NAALADL2: variants seen among roughly 807,000 people sequenced by gnomAD.
NAALADL2 encodes the protein inactive N-acetylated-alpha-linked acidic dipeptidase-like protein 2.
A neutral mutation model predicts 87.2 loss-of-function variants in NAALADL2; 76 were observed. The ratio of observed to expected loss-of-function variants is 0.87; its 90% confidence interval spans 0.72 to 1.05. The LOEUF (loss-of-function observed/expected upper bound fraction) is 1.05, where lower values mean the gene tolerates loss of function less well. Among genes scored for constraint, NAALADL2 ranks in the 50% least tolerant of loss-of-function variants. The pLI, the probability that NAALADL2 is intolerant of heterozygous loss-of-function variation, is 0.00. For synonymous variants in NAALADL2, 354 were observed against 331.0 expected, an observed-to-expected ratio of 1.07 and a Z score of -0.75; for missense variants, 1,089 against 945.8, an observed-to-expected ratio of 1.15 and a Z score of -1.99.
chr3:175,266,890 T>G (rs551826643), intron 4 of NAALADL2, among the ~76,000 whole-genome samples: 2 of 152,070 alleles, frequency 1.3e-5, no homozygotes, highest in African/African-American at 2.4e-5. Flanking sequence ...ACCTGTGATA[T>G]AATCCAATAT....
chr3:174,466,613 A>G (rs1035010678), intron 1 of NAALADL2, among the ~76,000 whole-genome samples: 3 of 152,142 alleles, frequency 2.0e-5, no homozygotes, highest in Non-Finnish European at 4.4e-5. Context: ...GGATTAAGGG[A>G]AAGATGTAGT....
At chr3:175,038,379 A>G (rs1753669043) in intron 1 of NAALADL2, among the ~76,000 whole-genome samples, 1 of 152,208 alleles carries the variant, frequency 6.6e-6, no homozygotes, top group Non-Finnish European at 1.5e-5. Flanking sequence ...CACCTAAGGC[A>G]TAAGCTTTTT....
At chr3:174,630,821 G>C (rs922812163) in intron 2 of NAALADL2, among the ~76,000 whole-genome samples, 2 of 152,122 alleles carry the variant, frequency 1.3e-5, no homozygotes, top group Non-Finnish European at 2.9e-5. Flanking sequence ...CTTCAGGTGA[G>C]ATCTGTCAGC....
chr3:175,575,972 G>C, intron 9 of NAALADL2, 69 bp from the exon 10 acceptor site: 1 of 1,303,624 alleles, frequency 7.7e-7, no homozygotes, highest in East Asian at 2.5e-5. Context: ...ACCATGTTTT[G>C]AGTAGCACTG....
chr3:175,218,708 C>A (rs560954145), intron 2 of NAALADL2, among the ~76,000 whole-genome samples: 2 of 152,146 alleles, frequency 1.3e-5, no homozygotes, highest in African/African-American at 4.8e-5. Flanking sequence ...TTGGCTATAT[C>A]TGTGAGACTT....
chr3:175,477,928 G>A (rs999774445), intron 9 of NAALADL2, among the ~76,000 whole-genome samples: 3 of 151,928 alleles, frequency 2.0e-5, no homozygotes, highest in Non-Finnish European at 4.4e-5. Flanking sequence ...ATATATAGTA[G>A]CAGATCACAG....
chr3:175,581,667 A>G (rs1014992792), intron 10 of NAALADL2, among the ~76,000 whole-genome samples: 2 of 152,168 alleles, frequency 1.3e-5, no homozygotes, highest in African/African-American at 2.4e-5. Flanking sequence ...ATCCATCTTA[A>G]TAAACTTTTT....
chr3:175,245,704 C>A (rs2109687674), intron 3 of NAALADL2, among the ~76,000 whole-genome samples: 1 of 152,140 alleles, frequency 6.6e-6, no homozygotes, highest in African/African-American at 2.4e-5. Flanking sequence ...GAGAAGTCAC[C>A]CCTTTATCTG....
At chr3:175,132,824 C>T (rs1338805683) in intron 2 of NAALADL2, among the ~76,000 whole-genome samples, 17 of 151,762 alleles carry the variant, frequency 1.1e-4, no homozygotes, top group African/African-American at 4.8e-5. Context: ...GGCTGCCGGG[C>T]GGAGATGCTC....
intron 5 of NAALADL2, among the ~76,000 whole-genome samples, chr3:175,441,192 A>G (rs1239552527): frequency 6.6e-6 from 1 of 151,696 alleles, no homozygotes; most frequent in Non-Finnish European, 1.5e-5. Context: ...GTATTTGGGG[A>G]AAAAAAAATC....
chr3:175,801,947 T>C (rs1385213782), intron 13 of NAALADL2, among the ~76,000 whole-genome samples: 2 of 152,082 alleles, frequency 1.3e-5, no homozygotes, highest in Non-Finnish European at 2.9e-5. Context: ...GAGAAGATGG[T>C]ATTCTAGATG....
intron 2 of NAALADL2, among the ~76,000 whole-genome samples, chr3:175,208,149 C>G (rs1026150923): frequency 6.6e-6 from 1 of 152,124 alleles, no homozygotes. Context: ...TCAACCCATC[C>G]TCAGCTCTAG....
intron 9 of NAALADL2, among the ~76,000 whole-genome samples, chr3:175,500,815 T>G (rs1729440421): frequency 6.6e-6 from 1 of 152,152 alleles, no homozygotes; most frequent in Non-Finnish European, 1.5e-5. Context: ...CTTAAGAATC[T>G]GGTTCCAGAG....
At chr3:174,546,536 G>A (rs1722751621) in intron 1 of NAALADL2, among the ~76,000 whole-genome samples, 2 of 152,152 alleles carry the variant, frequency 1.3e-5, no homozygotes, top group Admixed American at 6.5e-5. Context: ...GATACAAACT[G>A]ACATTTCTTA....
chr3:174,859,535 G>A, intron 1 of NAALADL2, 85 bp downstream of exon 1: 1 of 1,092,730 alleles, frequency 9.2e-7, no homozygotes, highest in Non-Finnish European at 1.4e-6. Context: ...GTGTTTCTGT[G>A]TATGCACACA....
intron 2 of NAALADL2, among the ~76,000 whole-genome samples, chr3:175,170,144 C>A (rs1486785438): frequency 4.0e-5 from 6 of 151,498 alleles, no homozygotes; most frequent in African/African-American, 1.5e-4. Flanking sequence ...TCCTAATTCC[C>A]AAACTATATT....
At chr3:175,483,464 A>T (rs1726813810) in intron 9 of NAALADL2, among the ~76,000 whole-genome samples, 2 of 150,946 alleles carry the variant, frequency 1.3e-5, no homozygotes, top group South Asian at 4.2e-4. Flanking sequence ...AAGTGCTTGT[A>T]CCTAATATGT....
At chr3:174,899,206 C>T (rs1359154060) in intron 1 of NAALADL2, among the ~76,000 whole-genome samples, 1 of 152,034 alleles carries the variant, frequency 6.6e-6, no homozygotes, top group Admixed American at 6.6e-5. Context: ...ATTATTATCA[C>T]TATTAATAAA....
At chr3:175,451,310 T>C (rs1453004156) in intron 6 of NAALADL2, among the ~76,000 whole-genome samples, 1 of 152,150 alleles carries the variant, frequency 6.6e-6, no homozygotes, top group African/African-American at 2.4e-5. Flanking sequence ...AGCTGGGCAT[T>C]TGTATCGCTG....
Sources: gnomAD v4.1 joint callset for allele counts (sites outside exome capture counted in the v4.1 genomes callset) on GRCh38, gnomAD v4.1.1 for gene constraint, MANE v1.5 for transcripts, NCBI Gene and HGNC (gene_info 2026-07-23, HGNC 2026-07-21) for gene names.